Variants in PTPRG observed in about 807,000 individuals in gnomAD.
PTPRG encodes protein tyrosine phosphatase receptor type G.
A neutral mutation model predicts 165.3 loss-of-function variants in PTPRG; 102 were observed. That is an observed-to-expected ratio of 0.62 (90% CI 0.53 to 0.73). The LOEUF is 0.73. PTPRG is among the 30% of genes least tolerant of loss of function. The pLI is 0.00. For synonymous variants in PTPRG, 675 were observed against 669.5 expected (o/e 1.01, Z -0.13); for missense variants, 1,866 against 1,861.4 (o/e 1.00, Z -0.05).
At chr3:61,813,593 T>TGTG in intron 2 of PTPRG, among the ~76,000 whole-genome samples, 1 of 82,120 alleles carries the variant, frequency 1.2e-5, no homozygotes. Context: ...GTGTGTGTGT[T>TGTG]TAGTTGTACT....
intron 16 of PTPRG, chr3:62,261,962 G>A (rs1348348082): frequency 1.3e-5 from 2 of 152,068 alleles, no homozygotes; most frequent in Non-Finnish European, 1.5e-5. Flanking sequence ...TGATAATTTT[G>A]TGTTACTTTG....
chr3:62,292,018 T>C (rs1228404035), intron 28 of PTPRG, among the ~76,000 whole-genome samples: 4 of 152,142 alleles, frequency 2.6e-5, no homozygotes, highest in Admixed American at 2.6e-4. Flanking sequence ...CTGTTTGGAA[T>C]TGTTAAAAAA....
At chr3:62,083,701 G>A (rs1412732773) in intron 5 of PTPRG, among the ~76,000 whole-genome samples, 1 of 152,120 alleles carries the variant, frequency 6.6e-6, no homozygotes, top group East Asian at 1.9e-4. Context: ...CTGTTCTTTT[G>A]AGGCCAAGAA....
chr3:61,612,390 A>G (rs186668043), intron 1 of PTPRG, among the ~76,000 whole-genome samples: 77 of 152,296 alleles, frequency 5.1e-4, no homozygotes, highest in African/African-American at 1.8e-3. Context: ...CAGTTGAGCA[A>G]CTGTTCTCTT....
intron 1 of PTPRG, among the ~76,000 whole-genome samples, chr3:61,660,202 C>A (rs765071471): frequency 6.6e-6 from 1 of 151,918 alleles, no homozygotes; most frequent in Admixed American, 6.6e-5. Context: ...TCCAGCCTGG[C>A]GACACAGTGA....
chr3:61,945,168 A>C (rs1357059996), intron 2 of PTPRG, among the ~76,000 whole-genome samples: 1 of 152,166 alleles, frequency 6.6e-6, no homozygotes, highest in Non-Finnish European at 1.5e-5. Flanking sequence ...CTTGGCCAAC[A>C]AATTGTAAGC....
At chr3:61,667,397 G>A (rs1702839100) in intron 1 of PTPRG, among the ~76,000 whole-genome samples, 1 of 152,024 alleles carries the variant, frequency 6.6e-6, no homozygotes, top group Non-Finnish European at 1.5e-5. Context: ...ATAACAGAAA[G>A]AAAAATATAT....
chr3:62,289,769 A>G (rs895798604), intron 28 of PTPRG, among the ~76,000 whole-genome samples: 2 of 145,840 alleles, frequency 1.4e-5, no homozygotes, highest in African/African-American at 5.0e-5. Context: ...ATTGTTATTT[A>G]CCAGATGTAT....
intron 1 of PTPRG, among the ~76,000 whole-genome samples, chr3:61,727,670 T>C (rs1296374028): frequency 6.6e-6 from 1 of 152,204 alleles, no homozygotes; most frequent in African/African-American, 2.4e-5. Context: ...GCTGCCTGTT[T>C]TTCTTTCTTT....
chr3:61,696,190 G>A (rs779436805), intron 1 of PTPRG, among the ~76,000 whole-genome samples: 6 of 152,022 alleles, frequency 3.9e-5, no homozygotes, highest in Non-Finnish European at 5.9e-5. Context: ...AAATTGATAC[G>A]AGTACATATC....
intron 4 of PTPRG, among the ~76,000 whole-genome samples, chr3:62,010,739 G>T (rs2041402645): frequency 6.6e-6 from 1 of 152,168 alleles, no homozygotes; most frequent in Admixed American, 6.5e-5. Flanking sequence ...TGAACTTGAT[G>T]CTATCTTGTT....
rs189966977 is a variant in PTPRG at position 62,022,521 on chromosome 3, C to T, written c.519+19024C>T. ...GGCATTTTTCAATTTAAGTAGATTA[C>T]GGTGTGAACGATGCAGGTAGAGATC... is the stretch of plus-strand genomic sequence containing the variant. On this transcript the variant is annotated intron_variant, in intron 4 of 29. Coordinates refer to ENST00000474889, the MANE Select transcript of PTPRG (RefSeq NM_002841.4). 1.5e-3 allele frequency among the ~76,000 whole-genome samples: 225 copies of T among 152,218 alleles called. 1 individual carries two copies. The highest frequency in any genetic ancestry group is 4.3e-3 in the African/African-American group (178 of 41,532).
intron 2 of PTPRG, among the ~76,000 whole-genome samples, chr3:61,767,240 CA>C (rs71100976): frequency 4.8e-4 from 53 of 111,544 alleles, no homozygotes; most frequent in South Asian, 6.2e-4. Context: ...GATTCCATCT[CA>C]AAAAAAAAAA....
At chr3:61,592,649 C>CTTTTTTTTTT (rs373986933) in intron 1 of PTPRG, among the ~76,000 whole-genome samples, 1 of 132,892 alleles carries the variant, frequency 7.5e-6, no homozygotes. Flanking sequence ...TTCTTTCTTT[C>CTTTTTTTTTT]TTTTTTTTTT....
At chr3:62,160,609 A>G (rs928586284) in intron 7 of PTPRG, among the ~76,000 whole-genome samples, 36 of 152,242 alleles carry the variant, frequency 2.4e-4, no homozygotes, top group Non-Finnish European at 7.3e-5. Flanking sequence ...CAGTCATAGA[A>G]GATGATTAGC....
chr3:61,747,717 A>T (rs2033265167), intron 1 of PTPRG, among the ~76,000 whole-genome samples: 1 of 152,166 alleles, frequency 6.6e-6, no homozygotes, highest in Non-Finnish European at 1.5e-5. Flanking sequence ...AATTTGGAAT[A>T]CAGAATGCGT....
intron 1 of PTPRG, among the ~76,000 whole-genome samples, chr3:61,646,889 T>C (rs1246731197): frequency 6.6e-6 from 1 of 152,230 alleles, no homozygotes; most frequent in Admixed American, 6.5e-5. Flanking sequence ...CATAACCTTT[T>C]GGTGCTGGCT....
chr3:61,697,099 T>C (rs905623244), intron 1 of PTPRG, among the ~76,000 whole-genome samples: 48 of 152,276 alleles, frequency 3.2e-4, no homozygotes, highest in Admixed American at 7.8e-4. Flanking sequence ...CCTTCTCCCC[T>C]GAGGCAGGTT....
chr3:61,818,630 C>G (rs1252598974), intron 2 of PTPRG, among the ~76,000 whole-genome samples: 2 of 151,898 alleles, frequency 1.3e-5, no homozygotes, highest in Non-Finnish European at 2.9e-5. Context: ...TGGCACTGTA[C>G]TCCAGCCTAG....
Sources: allele counts gnomAD v4.1 joint callset (sites outside exome capture counted in the v4.1 genomes callset), GRCh38; gene constraint gnomAD v4.1.1; transcripts MANE v1.5; gene names NCBI Gene and HGNC (gene_info 2026-07-23, HGNC 2026-07-21).